The following CLCN7 variants were observed in gnomAD, a reference collection of about 807,000 sequenced individuals.
CLCN7 encodes the protein H(+)/Cl(-) exchange transporter 7.
A neutral mutation model predicts 102.1 loss-of-function variants in CLCN7; 60 were observed. That is an observed-to-expected ratio of 0.59 (90% CI 0.48 to 0.73). The LOEUF is 0.73. Among genes scored for constraint, CLCN7 ranks in the 30% least tolerant of loss-of-function variants. The pLI is 0.00. For synonymous variants in CLCN7, 560 were observed against 490.5 expected, an observed-to-expected ratio of 1.14 and a Z score of -1.87; for missense variants, 962 against 1,125.7, an observed-to-expected ratio of 0.85 and a Z score of 2.08.
intron 1 of CLCN7, among the ~76,000 whole-genome samples, chr16:1,466,317 C>T (rs1363260077): frequency 6.6e-6 from 1 of 152,200 alleles, no homozygotes; most frequent in East Asian, 1.9e-4. Flanking sequence ...ATCTCTCCCT[C>T]CACCTTCCTC....
chr16:1,454,997 A>T (rs2038811499), intron 12 of CLCN7, 137 bp downstream of exon 12: 2 of 698,516 alleles, frequency 2.9e-6, no homozygotes, highest in Non-Finnish European at 5.3e-6. Flanking sequence ...GGGGCCCTGG[A>T]GCTTACACAA....
At chr16:1,465,125 C>A (rs2038986989) in intron 2 of CLCN7, 142 bp downstream of exon 2, 8 of 749,508 alleles carry the variant, frequency 1.1e-5, no homozygotes, top group Admixed American at 2.0e-5. Flanking sequence ...CGTCAGGGAC[C>A]ATGTCCCCCC....
chr16:1,466,158 G>A (rs1057041296), intron 1 of CLCN7, among the ~76,000 whole-genome samples: 1 of 152,274 alleles, frequency 6.6e-6, no homozygotes, highest in African/African-American at 2.4e-5. Flanking sequence ...CCCGCCATCT[G>A]CATCAGAGAG....
chr16:1,460,864 T>C lies in CLCN7; in HGVS notation c.436A>G (p.Ile146Val), dbSNP rs1318335217. The change falls in exon 5 of 25, where the codon ATC (isoleucine) becomes GTC (valine). Residue 146 changes from isoleucine to valine, a missense_variant. Transcript: ENST00000382745. ...LTGLVACFID[I>V]VVENLAGLKY... ...AGGCCAGCCAGGTTTTCCACCACGA[T>C]GTCAATGAAGCAGGCCACGAGGCCC... The C allele has an allele frequency of 1.2e-6, 2 of 1,613,986 alleles. No individual in the cohort carries two copies. The highest frequency in any genetic ancestry group is 8.5e-7 in the Non-Finnish European group (1 of 1,179,934).
chr16:1,454,502 GA>G, intron 12 of CLCN7, 37 bp from the exon 13 acceptor site: 4 of 1,587,928 alleles, frequency 2.5e-6, no homozygotes, highest in Non-Finnish European at 3.5e-6. Context: ...GGATGTGAGG[GA>G]AAAGGCCCAC....
intron 24 of CLCN7, 33 bp from the exon 25 acceptor site, chr16:1,446,750 G>T (rs375516276): frequency 1.3e-6 from 2 of 1,532,734 alleles, no homozygotes; most frequent in South Asian, 1.2e-5. Context: ...AGTGACACAC[G>T]GGTCGGCTCC....
chr16:1,446,989 C>G lies in CLCN7; in HGVS notation c.2331+17G>C. The G allele has an allele frequency of 6.4e-7, 1 of 1,566,718 alleles. No individual in the cohort carries two copies. On this transcript the variant is annotated intron_variant, in intron 24 of 24. Coordinates refer to ENST00000382745, the MANE Select transcript of CLCN7 (RefSeq NM_001287.6). ...AGCCCTGCACGGCATGCCTGCACCC[C>G]CACCGCCCCCGCTCACCTGATTGCG...
chr16:1,449,451 G>A (rs567417094), intron 17 of CLCN7, 124 bp from the exon 18 acceptor site: 41 of 847,492 alleles, frequency 4.8e-5, no homozygotes, highest in Admixed American at 8.1e-5. Context: ...CCTCGTGGCC[G>A]CGTACATACA....
Position 1,457,648 on chromosome 16 carries a change from C to G in CLCN7, c.738+46G>C. 6.2e-7 allele frequency: 1 copy of G among 1,603,066 alleles called. No homozygotes were observed. Among genetic ancestry groups the G allele is most frequent in the Non-Finnish European group, 8.5e-7 (1 of 1,172,216 alleles). On this transcript the variant is annotated intron_variant, in intron 8 of 24. Transcript: ENST00000382745. This position sits in a 1 kb window ranked among gnomAD's most constrained non-coding sequence, Gnocchi z 5.4. ...ATGGGCGTGGCGGCCCTCGCGGGCCCGGCGGCCTCAGGCTCCAGCTGGAGT... is the reference window on the plus strand; with the variant it reads ...ATGGGCGTGGCGGCCCTCGCGGGCCGGGCGGCCTCAGGCTCCAGCTGGAGT...
chr16:1,467,439 C>CCATGGAGGAA (rs892209869), intron 1 of CLCN7, among the ~76,000 whole-genome samples: 1 of 152,166 alleles, frequency 6.6e-6, no homozygotes, highest in Non-Finnish European at 1.5e-5. Context: ...GAAGGTGCCA[C>CCATGGAGGAA]GGTCCAGGCA....
In CLCN7 at chr16:1,448,969, A is replaced by G; in HGVS notation, c.1794T>C (p.Ile598=). 6.2e-7 allele frequency: 1 copy of G among 1,612,514 alleles called. No homozygotes were observed. The highest frequency in any genetic ancestry group is 8.5e-7 in the Non-Finnish European group (1 of 1,179,988). ...AGGCTTCGAGGCCCTGGCGCACCTCAATGAAGACGTCGCCCACGATCTTGG... is the reference window on the plus strand; with the variant it reads ...AGGCTTCGAGGCCCTGGCGCACCTCGATGAAGACGTCGCCCACGATCTTGG... ...MTAKIVGDVF[I]EGLYDMHIQL... Residue 598 remains isoleucine, a synonymous_variant, in exon 19 of 25, where the codon ATT becomes ATC. Transcript: ENST00000382745.
rs1022879667 is a variant in CLCN7 at position 1,446,394 on chromosome 16, G to A, written c.*237C>T. 1.3e-5 allele frequency: 9 copies of A among 702,386 alleles called. No individual in the cohort carries two copies. In the African/African-American group the frequency reaches 1.4e-4, roughly 11 times the overall value. 43.5% of individuals were successfully genotyped at this position (702,386 alleles called of 1,614,324 possible). Reference sequence around the variant, plus strand: ...CTGGAGGTAAAGAAACCTAGACGAGGAGAGTGGAGGCTGGGCCTGCGCAAG... The same window carrying A: ...CTGGAGGTAAAGAAACCTAGACGAGAAGAGTGGAGGCTGGGCCTGCGCAAG... On this transcript the variant is annotated 3_prime_UTR_variant, in exon 25 of 25. Coordinates refer to ENST00000382745, the MANE Select transcript of CLCN7 (RefSeq NM_001287.6).
At chr16:1,446,978 T>C in intron 24 of CLCN7, 28 bp downstream of exon 24, 1 of 1,551,674 alleles carries the variant, frequency 6.4e-7, no homozygotes, top group Non-Finnish European at 8.7e-7. Context: ...CTGCACGGCA[T>C]GCCTGCACCC....
intron 7 of CLCN7, among the ~76,000 whole-genome samples, chr16:1,458,331 G>GT (rs1169897571): frequency 2.6e-5 from 4 of 152,258 alleles, no homozygotes; most frequent in African/African-American, 9.6e-5. Context: ...GGGGAGGACT[G>GT]TATGTTAAAG....
At chr16:1,459,534 A>G (rs2038899070) in intron 6 of CLCN7, 1 of 189,148 alleles carries the variant, frequency 5.3e-6, no homozygotes, top group South Asian at 3.7e-5. Flanking sequence ...CTCAGCACAC[A>G]CTTCGGGGCC....
At chr16:1,452,508 C>A (rs1407214311) in intron 15 of CLCN7, 2 of 552,418 alleles carry the variant, frequency 3.6e-6, no homozygotes, top group Non-Finnish European at 6.5e-6. Flanking sequence ...GGCTGCCATT[C>A]TGGGAAGAGG....
At chr16:1,453,767 C>T (rs752863538) in intron 14 of CLCN7, 67 bp downstream of exon 14, 72 of 1,444,594 alleles carry the variant, frequency 5.0e-5, no homozygotes, top group Non-Finnish European at 3.0e-5. Context: ...CATTCCACCA[C>T]GTCCGCTTTC....
Position 1,446,671 on chromosome 16 carries a change from C to G in CLCN7, c.2378G>C (p.Gly793Ala). Residue 793 changes from glycine to alanine, a missense_variant, in exon 25 of 25, where the codon GGA becomes GCA. Gly to Ala is a moderately conservative substitution (Grantham distance 60). Around this residue, in one of 2 missense-constraint regions of CLCN7, gnomAD observed 799 missense variants for 988.0 expected, o/e 0.81. Coordinates refer to ENST00000382745, the MANE Select transcript of CLCN7 (RefSeq NM_001287.6). ...TRKDLARYRL[G>A]KRGLEELSLA... ...CGAGAGCTCCTCCAAGCCTCTCTTTCCCAGGCGGTACCTGGCGAGGTCCTT... is the reference window on the plus strand; with the variant it reads ...CGAGAGCTCCTCCAAGCCTCTCTTTGCCAGGCGGTACCTGGCGAGGTCCTT... 6.3e-7 allele frequency: 1 copy of G among 1,586,686 alleles called. No homozygotes were observed. Among genetic ancestry groups the G allele is most frequent in the Admixed American group, 1.7e-5 (1 of 57,424 alleles).
chr16:1,453,979 T>C lies in CLCN7; in HGVS notation c.1154-85A>G, dbSNP rs566380988. 61 of 1,392,856 alleles carry C rather than the reference T, an allele frequency of 4.4e-5. No individual in the cohort carries two copies. The African/African-American group carries it at 8.1e-4, about 19-fold the overall frequency. The allele number at this position is 1,392,856 out of a possible 1,614,324, so 86.3% of individuals were successfully genotyped here. A position where few individuals can be genotyped will look rare whatever the true frequency, so the allele number is the denominator to read the frequency against. On this transcript the variant is annotated intron_variant, in intron 13 of 24. Coordinates refer to ENST00000382745, the MANE Select transcript of CLCN7 (RefSeq NM_001287.6). ...CCGGCTCCCAGATGGCAGGAGAAGCTGGAGGGTTTGCAGAGGGAAGGGGAC... is the reference window on the plus strand; with the variant it reads ...CCGGCTCCCAGATGGCAGGAGAAGCCGGAGGGTTTGCAGAGGGAAGGGGAC...
Sources: allele counts gnomAD v4.1 joint callset (sites outside exome capture counted in the v4.1 genomes callset), GRCh38; gene constraint gnomAD v4.1.1; regional missense constraint gnomAD v4.1.1; non-coding constraint Gnocchi (gnomAD v3.1); transcripts MANE v1.5; gene names NCBI Gene and HGNC (gene_info 2026-07-23, HGNC 2026-07-21).